The following SLC9A9 variants were observed in gnomAD, a reference collection of about 807,000 sequenced individuals.
SLC9A9 encodes sodium/hydrogen exchanger 9.
SLC9A9 carries 62 observed loss-of-function variants against 77.8 expected under a neutral mutation model. The observed-to-expected ratio is 0.80, with a 90% CI of 0.65 to 0.98. The LOEUF (loss-of-function observed/expected upper bound fraction) is 0.98. Among genes scored for constraint, SLC9A9 ranks in the 50% least tolerant of loss-of-function variants. SLC9A9 has a pLI of 0.00. For synonymous variants in SLC9A9, 320 were observed against 283.5 expected, an observed-to-expected ratio of 1.13 and a Z score of -1.29; for missense variants, 775 against 774.9, an observed-to-expected ratio of 1.00 and a Z score of 0.00.
rs1287668330 is a variant in SLC9A9 at position 143,764,998 on chromosome 3, CCTTTCTTTCTTTCTCTCTTTCT to C, written c.533+29981_533+30002del. 5.0e-3 allele frequency among the ~76,000 whole-genome samples: 643 copies of C among 128,392 alleles called. 10 individuals carry two copies. The highest frequency in any genetic ancestry group is 0.019 in the African/African-American group (606 of 32,242). The allele number at this position is 128,392 out of a possible 152,430, so 84.2% of individuals were successfully genotyped here. A position where few individuals can be genotyped will look rare whatever the true frequency, so the allele number is the denominator to read the frequency against. On this transcript the variant is annotated intron_variant, in intron 4 of 15. Coordinates refer to ENST00000316549, the MANE Select transcript of SLC9A9 (RefSeq NM_173653.4). ...TCCTTCCTTCCTTCCTTCCTTCCTTCCTTTCTTTCTTTCTCTCTTTCTCTTTCTTTCTCTCTTTCTCTTTCTT... is the reference window on the plus strand; with the variant it reads ...TCCTTCCTTCCTTCCTTCCTTCCTTCCTTTCTTTCTCTCTTTCTCTTTCTT...
Position 143,652,359 on chromosome 3 carries a change from C to T in SLC9A9, c.651G>A (p.Val217=), listed in dbSNP as rs1242069. 64,586 of 1,610,792 alleles carry T rather than the reference C, an allele frequency of 0.04. 1,562 individuals carry two copies. The highest frequency in any genetic ancestry group is 0.081 in the Middle Eastern group (489 of 6,058). ...FGSLMSATDP[V]TVLAIFHELH... ...GTTCATGGAAAATGGCCAGCACTGT[C>T]ACTAGGAAGACACACACAAACATGC... Residue 217 remains valine (V), a splice_region_variant and synonymous_variant, in exon 6 of 16, where the codon GTG becomes GTA. Transcript: ENST00000316549.
At chr3:143,268,781 A>T in intron 15 of SLC9A9, 94 bp downstream of exon 15, 5 of 705,552 alleles carry the variant, frequency 7.1e-6, no homozygotes, top group Non-Finnish European at 1.2e-5. Flanking sequence ...TCCTGCAAGT[A>T]GCAGGCTTTT....
At chr3:143,764,993 TCC>T (rs2007257443) in intron 4 of SLC9A9, among the ~76,000 whole-genome samples, 1 of 150,056 alleles carries the variant, frequency 6.7e-6, no homozygotes, top group African/African-American at 2.5e-5. Flanking sequence ...CTTCCTTCCT[TCC>T]TTCCTTTCTT....
intron 14 of SLC9A9, among the ~76,000 whole-genome samples, chr3:143,311,539 G>A (rs1406756957): frequency 6.6e-6 from 1 of 152,186 alleles, no homozygotes; most frequent in Non-Finnish European, 1.5e-5. Context: ...CAGGTTGGGT[G>A]CTTCTACTCT....
At chr3:143,272,924 C>T (rs1937936734) in intron 14 of SLC9A9, among the ~76,000 whole-genome samples, 1 of 152,196 alleles carries the variant, frequency 6.6e-6, no homozygotes, top group African/African-American at 2.4e-5. Flanking sequence ...AGCTGGAACT[C>T]TACCCAGAAT....
At chr3:143,338,124 A>G (rs564698366) in intron 14 of SLC9A9, among the ~76,000 whole-genome samples, 1 of 152,292 alleles carries the variant, frequency 6.6e-6, no homozygotes, top group South Asian at 2.1e-4. Flanking sequence ...AGGCTGAAAA[A>G]CTGGCTCCGT....
chr3:143,707,238 C>A (rs1934007323), intron 4 of SLC9A9, among the ~76,000 whole-genome samples: 1 of 151,920 alleles, frequency 6.6e-6, no homozygotes, highest in South Asian at 2.1e-4. Context: ...GATGGGACTT[C>A]CAGTATTGGG....
chr3:143,817,073 T>A (rs1477512406), intron 2 of SLC9A9, among the ~76,000 whole-genome samples: 1 of 152,160 alleles, frequency 6.6e-6, no homozygotes, highest in East Asian at 1.9e-4. Flanking sequence ...CATGATCTCC[T>A]TAAGCTTTTA....
chr3:143,404,719 A>C (rs745952564), intron 12 of SLC9A9, among the ~76,000 whole-genome samples: 1 of 152,080 alleles, frequency 6.6e-6, no homozygotes, highest in Non-Finnish European at 1.5e-5. Flanking sequence ...TTGGATTCTC[A>C]TTAGCCTCCT....
At chr3:143,740,254 A>G (rs958167492) in intron 4 of SLC9A9, among the ~76,000 whole-genome samples, 3 of 152,174 alleles carry the variant, frequency 2.0e-5, no homozygotes, top group Non-Finnish European at 4.4e-5. Context: ...AGAGAGAGAT[A>G]TATATATAGC....
At chr3:143,427,603 G>C (rs375769015) in intron 12 of SLC9A9, among the ~76,000 whole-genome samples, 1 of 152,284 alleles carries the variant, frequency 6.6e-6, no homozygotes, top group East Asian at 1.9e-4. Flanking sequence ...TATAGAAAAT[G>C]GTGGTTTCAG....
chr3:143,666,616 T>G (rs543736029), intron 5 of SLC9A9, among the ~76,000 whole-genome samples: 1 of 152,136 alleles, frequency 6.6e-6, no homozygotes, highest in East Asian at 1.9e-4. Flanking sequence ...CTCCTTAAGC[T>G]GATAAGCAAC....
At position 143,552,408 on chromosome 3, in the gene SLC9A9, T is replaced by C. The variant is rs373304865; in HGVS notation, c.1043A>G (p.Tyr348Cys). 1.8e-5 allele frequency: 29 copies of C among 1,613,172 alleles called. No individual in the cohort carries two copies. Among genetic ancestry groups the C allele is most frequent in the Non-Finnish European group, 2.5e-6 (3 of 1,179,582 alleles). The part of the protein sequence containing the change: ...VLFCGVTQAH[Y>C]TYNNLSSDSK... ...ATCCGAAGACAGATTGTTGTAGGTA[T>C]AATGTGCTTGTGTGACTCCACAGAA... Residue 348 changes from tyrosine (Y) to cysteine (C), a missense_variant, in exon 9 of 16, where the codon TAT (tyrosine) becomes TGT (cysteine). By Grantham distance (194) the Tyr-to-Cys change is radical (BLOSUM62 -2). Coordinates refer to ENST00000316549, the MANE Select transcript of SLC9A9 (RefSeq NM_173653.4).
intron 5 of SLC9A9, among the ~76,000 whole-genome samples, chr3:143,660,883 C>A (rs567973926): frequency 7.2e-5 from 11 of 152,276 alleles, no homozygotes; most frequent in Non-Finnish European, 1.6e-4. Flanking sequence ...AAACCTGGAC[C>A]AATGACGAGG....
chr3:143,637,044 A>G (rs1383426497), intron 6 of SLC9A9, among the ~76,000 whole-genome samples: 1 of 152,238 alleles, frequency 6.6e-6, no homozygotes, highest in Non-Finnish European at 1.5e-5. Flanking sequence ...TCCAGATGAG[A>G]AGGAACCAAC....
intron 4 of SLC9A9, among the ~76,000 whole-genome samples, chr3:143,782,064 T>C (rs1207386946): frequency 1.3e-5 from 2 of 152,238 alleles, no homozygotes; most frequent in Non-Finnish European, 2.9e-5. Flanking sequence ...CTTAACAGTA[T>C]TCTACCAATT....
chr3:143,374,422 C>CAAAAAAAAAAA (rs34787603), intron 13 of SLC9A9, among the ~76,000 whole-genome samples: 24 of 67,440 alleles, frequency 3.6e-4, no homozygotes, highest in East Asian at 1.3e-3. Flanking sequence ...GACTCTGTCT[C>CAAAAAAAAAAA]AAAAAAAAAA....
At chr3:143,331,655 TTA>T (rs2031774306) in intron 14 of SLC9A9, among the ~76,000 whole-genome samples, 1 of 152,160 alleles carries the variant, frequency 6.6e-6, no homozygotes, top group Admixed American at 6.5e-5. Flanking sequence ...TATGCGTTGG[TTA>T]CTTGCCGGGC....
chr3:143,473,985 G>T (rs2035422125), intron 11 of SLC9A9, among the ~76,000 whole-genome samples: 1 of 152,204 alleles, frequency 6.6e-6, no homozygotes, highest in South Asian at 2.1e-4. Flanking sequence ...CCAAAGTAGG[G>T]TAAGGGGACA....
Sources: gnomAD v4.1 joint callset for allele counts (sites outside exome capture counted in the v4.1 genomes callset) on GRCh38, gnomAD v4.1.1 for gene constraint, MANE v1.5 for transcripts, NCBI Gene and HGNC (gene_info 2026-07-23, HGNC 2026-07-21) for gene names.